SNTG1: variants seen among roughly 807,000 people sequenced by gnomAD.
The protein encoded by SNTG1 is syntrophin gamma 1.
A neutral mutation model predicts 74.7 loss-of-function variants in SNTG1; 39 were observed. That is an observed-to-expected ratio of 0.52 (90% CI 0.40 to 0.68). The LOEUF (loss-of-function observed/expected upper bound fraction) is 0.68. Among genes scored for constraint, SNTG1 ranks in the 30% least tolerant of loss-of-function variants. The pLI is 0.00. For synonymous variants in SNTG1, 254 were observed against 217.1 expected (o/e 1.17, Z -1.49); for missense variants, 685 against 609.5 (o/e 1.12, Z -1.30).
At chr8:50,013,921 A>G (rs1206448740) in intron 1 of SNTG1, among the ~76,000 whole-genome samples, 1 of 152,148 alleles carries the variant, frequency 6.6e-6, no homozygotes, top group East Asian at 1.9e-4. Context: ...TGGTTAACTC[A>G]GTTTTCCTCT....
At position 50,782,755 on chromosome 8, in the gene SNTG1, C is replaced by T. The variant is rs192441948; in HGVS notation, c.1396-9916C>T. 3.6e-4 allele frequency among the ~76,000 whole-genome samples: 55 copies of T among 152,304 alleles called. 1 individual carries two copies. Among genetic ancestry groups the T allele is most frequent in the Non-Finnish European group, 6.8e-4 (46 of 68,030 alleles). On this transcript the variant is annotated intron_variant, in intron 18 of 18. Transcript: ENST00000642720. ...TTGTTCCGTTGCTGGTGAGGAGCTG[C>T]GTTCCTTTGGAGGAAGAGAGGTGCT...
intron 8 of SNTG1, among the ~76,000 whole-genome samples, chr8:50,480,794 A>G (rs1015848878): frequency 2.6e-5 from 4 of 152,214 alleles, no homozygotes; most frequent in Non-Finnish European, 5.9e-5. Context: ...CTTTCACAAC[A>G]GAAATCAGCC....
chr8:49,928,249 A>G (rs868221327), intron 1 of SNTG1, among the ~76,000 whole-genome samples: 1 of 150,958 alleles, frequency 6.6e-6, no homozygotes, highest in African/African-American at 2.4e-5. Flanking sequence ...TTTTTTTGAG[A>G]CAGAGTCTAG....
chr8:49,983,374 T>A (rs1812855698), intron 1 of SNTG1, among the ~76,000 whole-genome samples: 3 of 152,242 alleles, frequency 2.0e-5, no homozygotes, highest in African/African-American at 7.2e-5. Flanking sequence ...GCATTTAATG[T>A]GCTTTATGTG....
intron 1 of SNTG1, among the ~76,000 whole-genome samples, chr8:50,010,282 A>G (rs867122285): frequency 1.3e-5 from 2 of 152,122 alleles, no homozygotes; most frequent in African/African-American, 2.4e-5. Context: ...TAATCCTCAC[A>G]AACTCCAATG....
In SNTG1 at chr8:50,318,421, A is replaced by G. The variant is rs919355788; in HGVS notation, c.-27-75791A>G. Among the ~76,000 whole-genome samples, 6 of 152,278 alleles carry G rather than the reference A, an allele frequency of 3.9e-5. No individual in the cohort carries two copies. In the South Asian group the frequency reaches 8.3e-4, roughly 21 times the overall value. Reference sequence around the variant, plus strand: ...TGGCCTGAATCTTGTTTACCTCCCTAAAGCTCCATCTGTTGAATTTTCCAA... The same window carrying G: ...TGGCCTGAATCTTGTTTACCTCCCTGAAGCTCCATCTGTTGAATTTTCCAA... On this transcript the variant is annotated intron_variant, in intron 2 of 18. Transcript: ENST00000642720.
intron 9 of SNTG1, among the ~76,000 whole-genome samples, chr8:50,508,843 G>T (rs2094035463): frequency 6.6e-6 from 1 of 151,384 alleles, no homozygotes; most frequent in African/African-American, 2.4e-5. Flanking sequence ...TAAGTAGATT[G>T]CAAAAATTTT....
In SNTG1 at chr8:50,232,146, AAAAT is replaced by A. The variant is rs1462197527; in HGVS notation, c.-28+59519_-28+59522del. On this transcript the variant is annotated intron_variant, in intron 2 of 18. Transcript: ENST00000642720. ...GGCAGAATCAAAACAAGAAAAGGCAAAAATAAATAAACTACAGAGCAATATGTCT... is the reference window on the plus strand; with the variant it reads ...GGCAGAATCAAAACAAGAAAAGGCAAAAATAAACTACAGAGCAATATGTCT... 5.9e-5 allele frequency among the ~76,000 whole-genome samples: 9 copies of A among 151,568 alleles called. No individual in the cohort carries two copies. In the East Asian group the frequency reaches 1.7e-3, roughly 29 times the overall value.
intron 2 of SNTG1, among the ~76,000 whole-genome samples, chr8:50,216,175 T>C (rs1410312705): frequency 6.6e-6 from 1 of 152,170 alleles, no homozygotes; most frequent in Non-Finnish European, 1.5e-5. Context: ...TCTGTATCTT[T>C]CCATGTAAGC....
chr8:50,036,621 T>C (rs1400053230), intron 1 of SNTG1, among the ~76,000 whole-genome samples: 1 of 152,230 alleles, frequency 6.6e-6, no homozygotes, highest in Non-Finnish European at 1.5e-5. Context: ...TCCCAGCTCT[T>C]AGAACGGTGT....
intron 1 of SNTG1, among the ~76,000 whole-genome samples, chr8:50,096,732 GTTTGTC>G (rs1563587634): frequency 6.6e-6 from 1 of 152,092 alleles, no homozygotes; most frequent in Non-Finnish European, 1.5e-5. Flanking sequence ...CTTCATGTAA[GTTTGTC>G]TTTGTTTTTA....
rs117320436 is a variant in SNTG1 at position 50,765,697 on chromosome 8, C to A, written c.1395+13586C>A. On this transcript the variant is annotated intron_variant, in intron 18 of 18. Transcript: ENST00000642720. Reference sequence around the variant, plus strand: ...GATTACTCTGATTGTTAGTTTCTCACTCTTGATAACCCCAATGAATAGTGA... The same window carrying A: ...GATTACTCTGATTGTTAGTTTCTCAATCTTGATAACCCCAATGAATAGTGA... Among the ~76,000 whole-genome samples the A allele has an allele frequency of 5.8e-4, 88 of 152,022 alleles. 1 individual carries two copies. In the South Asian group the frequency reaches 8.9e-3, roughly 15 times the overall value.
At chr8:50,429,048 T>C (rs1299908823) in intron 4 of SNTG1, among the ~76,000 whole-genome samples, 1 of 151,762 alleles carries the variant, frequency 6.6e-6, no homozygotes, top group Non-Finnish European at 1.5e-5. Flanking sequence ...CTCAATATTA[T>C]TGTTTATATT....
intron 1 of SNTG1, among the ~76,000 whole-genome samples, chr8:50,073,228 C>G (rs1225838416): frequency 6.6e-6 from 1 of 152,208 alleles, no homozygotes; most frequent in African/African-American, 2.4e-5. Context: ...ATATTCTAAA[C>G]CACTTGTTGT....
chr8:50,761,876 G>A (rs1429456278), intron 18 of SNTG1, among the ~76,000 whole-genome samples: 1 of 151,884 alleles, frequency 6.6e-6, no homozygotes, highest in Non-Finnish European at 1.5e-5. Context: ...TGACCTTACA[G>A]ATCAATAAAA....
At chr8:50,782,037 C>G (rs1174967933) in intron 18 of SNTG1, among the ~76,000 whole-genome samples, 2 of 152,212 alleles carry the variant, frequency 1.3e-5, no homozygotes, top group Non-Finnish European at 2.9e-5. Context: ...TTGGCCCCCA[C>G]TGTCTTCTGG....
chr8:50,662,210 C>T (rs1476145589), intron 15 of SNTG1, among the ~76,000 whole-genome samples: 1 of 152,162 alleles, frequency 6.6e-6, no homozygotes, highest in East Asian at 1.9e-4. Context: ...TAGACTTCTG[C>T]CTCCAGAAAA....
chr8:50,330,320 C>T (rs1391702339), intron 2 of SNTG1, among the ~76,000 whole-genome samples: 1 of 152,124 alleles, frequency 6.6e-6, no homozygotes, highest in African/African-American at 2.4e-5. Flanking sequence ...GAGGCCTCCC[C>T]AGCCTTGCTG....
intron 1 of SNTG1, among the ~76,000 whole-genome samples, chr8:49,953,019 T>C (rs988156736): frequency 1.3e-5 from 2 of 152,184 alleles, no homozygotes; most frequent in Non-Finnish European, 2.9e-5. Context: ...AATAGGTAGA[T>C]ACATGAGTAT....
Sources: allele counts gnomAD v4.1 joint callset (sites outside exome capture counted in the v4.1 genomes callset), GRCh38; gene constraint gnomAD v4.1.1; transcripts MANE v1.5; gene names NCBI Gene and HGNC (gene_info 2026-07-23, HGNC 2026-07-21).